The following ADRA1A variants were observed in gnomAD, a reference collection of about 807,000 sequenced individuals.
The protein encoded by ADRA1A is adrenoceptor alpha 1A.
Under a neutral mutation model 29.6 loss-of-function variants are expected in ADRA1A, and 31 were observed. The observed-to-expected ratio is 1.05, with a 90% CI of 0.79 to 1.41. ADRA1A has a LOEUF of 1.41. ADRA1A is among the 40% of genes most tolerant of loss of function. ADRA1A has a pLI of 0.00. For missense variants in ADRA1A, 619 were observed against 601.1 expected, an observed-to-expected ratio of 1.03 and a Z score of -0.31; for synonymous variants, 311 against 254.3, an observed-to-expected ratio of 1.22 and a Z score of -2.12.
chr8:26,767,990 G>C (rs1416419002), downstream of ADRA1A, among the ~76,000 whole-genome samples: 3 of 152,174 alleles, frequency 2.0e-5, no homozygotes, highest in Non-Finnish European at 4.4e-5. Flanking sequence ...GAGAACAGAA[G>C]AGTCTAAAAA....
intron 2 of ADRA1A, among the ~76,000 whole-genome samples, chr8:26,845,832 CA>C (rs1223417011): frequency 6.6e-6 from 1 of 152,112 alleles, no homozygotes; most frequent in East Asian, 1.9e-4. Context: ...GAGGTATACA[CA>C]AAAGGTCACA....
At chr8:26,852,139 A>T (rs1011803673) in intron 2 of ADRA1A, among the ~76,000 whole-genome samples, 3 of 152,304 alleles carry the variant, frequency 2.0e-5, no homozygotes, top group Non-Finnish European at 4.4e-5. Context: ...CAACAACACA[A>T]TGAATCCTTT....
chr8:26,765,824 T>C (rs970070271), downstream of ADRA1A: 20 of 1,345,334 alleles, frequency 1.5e-5, no homozygotes, highest in African/African-American at 2.9e-4. Flanking sequence ...TTGAGAAAGT[T>C]TGTCAAGCTC....
chr8:26,806,110 C>T lies in ADRA1A; in HGVS notation c.884-35444G>A, dbSNP rs1396520498. 1.3e-5 allele frequency among the ~76,000 whole-genome samples: 2 copies of T among 152,252 alleles called. No individual in the cohort carries two copies. Among genetic ancestry groups the T allele is most frequent in the Admixed American group, 1.3e-4 (2 of 15,294 alleles). On this transcript the variant is annotated intron_variant, in intron 2 of 2. Transcript: ENST00000380573. The surrounding 1 kb of genome is among the most constrained non-coding windows in gnomAD (Gnocchi z 4.6). ...CAGCTTTACCTAATGACCGAACTCC[C>T]GAATGTTCCCATTCTGTCCTGCCTC...
Position 26,864,978 on chromosome 8 carries a change from C to T in ADRA1A, c.-9G>A, listed in dbSNP as rs747632414. ...CCCGAGAGAAACACCATGGTCCCAG[C>T]CGGGGCCGGGCGAGGTCCGGCTGTC... is the stretch of plus-strand genomic sequence containing the variant. On this transcript the variant is annotated 5_prime_UTR_variant, in exon 2 of 3. Coordinates refer to ENST00000380573, the MANE Select transcript of ADRA1A (RefSeq NM_000680.4). This position sits in a 1 kb window ranked among gnomAD's most constrained non-coding sequence, Gnocchi z 8.1. 1.9e-6 allele frequency: 3 copies of T among 1,585,504 alleles called. No individual in the cohort carries two copies. The highest frequency in any genetic ancestry group is 2.3e-5 in the South Asian group (2 of 87,354).
chr8:26,750,432 G>A (rs1415195994), intron 2 of ADRA1A, among the ~76,000 whole-genome samples: 6 of 152,080 alleles, frequency 3.9e-5, no homozygotes, highest in African/African-American at 1.4e-4. Flanking sequence ...GAACTCCTGA[G>A]CTCAAGTGAT....
rs137874486 is a variant in ADRA1A at position 26,774,855 on chromosome 8, G to A, written c.884-4189C>T. Among the ~76,000 whole-genome samples, 713 of 152,172 alleles carry A rather than the reference G, an allele frequency of 4.7e-3. 8 individuals carry two copies. Among genetic ancestry groups the A allele is most frequent in the African/African-American group, 0.016 (675 of 41,512 alleles). On this transcript the variant is annotated intron_variant, in intron 2 of 2. Coordinates refer to ENST00000380573, the MANE Select transcript of ADRA1A (RefSeq NM_000680.4). Reference sequence around the variant, plus strand: ...CTCTTTCTCTGCCCAAACCTTCCCCGTCTGGTTCTATTTTCTCTGAACTCT... The same window carrying A: ...CTCTTTCTCTGCCCAAACCTTCCCCATCTGGTTCTATTTTCTCTGAACTCT...
At chr8:26,843,205 C>T (rs1811957311) in intron 2 of ADRA1A, among the ~76,000 whole-genome samples, 1 of 152,190 alleles carries the variant, frequency 6.6e-6, no homozygotes, top group Non-Finnish European at 1.5e-5. Flanking sequence ...TTCCTGACCT[C>T]CAGAAGACTT....
At chr8:26,843,310 C>G (rs781190116) in intron 2 of ADRA1A, among the ~76,000 whole-genome samples, 10 of 152,216 alleles carry the variant, frequency 6.6e-5, no homozygotes, top group Non-Finnish European at 1.3e-4. Flanking sequence ...GTGACAACAT[C>G]TGAGAGCTCA....
chr8:26,865,319 C>T lies in ADRA1A; in HGVS notation c.-350G>A, dbSNP rs1813829139. 2.7e-6 allele frequency: 3 copies of T among 1,111,874 alleles called. No homozygotes were observed. Among genetic ancestry groups the T allele is most frequent in the East Asian group, 1.2e-4 (2 of 16,994 alleles). The allele number at this position is 1,111,874 out of a possible 1,614,324, so 68.9% of individuals were successfully genotyped here. A position where few individuals can be genotyped will look rare whatever the true frequency, so the allele number is the denominator to read the frequency against. The stretch of plus-strand genomic sequence containing the variant: ...AGGAGACTCCTTGCAACATGCAATT[C>T]CAGAATTACGAGAATCTGCTTTTCC... On this transcript the variant is annotated 5_prime_UTR_variant, in exon 2 of 3. Transcript: ENST00000380573. This position sits in a 1 kb window ranked among gnomAD's most constrained non-coding sequence, Gnocchi z 7.6.
rs565540636 is a variant in ADRA1A at position 26,859,094 on chromosome 8, C to T, written c.883+4993G>A. ...TTTCACTTCTCAGCTGTGGATAGCA[C>T]ACTCATCCCTGCCCTGGTTTCAGTT... On this transcript the variant is annotated intron_variant, in intron 2 of 2. Coordinates refer to ENST00000380573, the MANE Select transcript of ADRA1A (RefSeq NM_000680.4). 460 of 1,288,840 alleles carry T rather than the reference C, an allele frequency of 3.6e-4. No individual in the cohort carries two copies. The South Asian group carries it at 5.4e-3, about 15-fold the overall frequency. The allele number at this position is 1,288,840 out of a possible 1,614,324, so 79.8% of individuals were successfully genotyped here. A position where few individuals can be genotyped will look rare whatever the true frequency, so the allele number is the denominator to read the frequency against.
intron 2 of ADRA1A, among the ~76,000 whole-genome samples, chr8:26,811,680 A>G (rs905204758): frequency 4.6e-5 from 7 of 152,238 alleles, no homozygotes; most frequent in African/African-American, 1.4e-4. Flanking sequence ...TAAGATTTGT[A>G]AAGTTCCAAA....
At chr8:26,779,666 G>A (rs1806814727) in intron 2 of ADRA1A, among the ~76,000 whole-genome samples, 1 of 152,138 alleles carries the variant, frequency 6.6e-6, no homozygotes, top group African/African-American at 2.4e-5. Context: ...CTATCCTAGA[G>A]GTTTACTTTG....
rs1159553140 is a variant in ADRA1A, at chr8:26,770,401, C to G, written c.1149G>C (p.Glu383Asp). The change falls in exon 3 of 3, where the codon GAG becomes GAC. Residue 383 changes from glutamate to aspartate, a missense_variant. Physicochemically the swap from Glu to Asp is conservative, Grantham distance 45. Coordinates refer to ENST00000380573, the MANE Select transcript of ADRA1A (RefSeq NM_000680.4). ...DMVRIPVGSR[E>D]TFYRISKTDG... ...CCGTCTTGGAGATCCTGTAGAAGGT[C>G]TCTCTTGATCCCACGGGGATGCGCA... The G allele has an allele frequency of 6.2e-7, 1 of 1,614,248 alleles. No individual in the cohort carries two copies. The highest frequency in any genetic ancestry group is 1.1e-5 in the South Asian group (1 of 91,080).
Position 26,865,249 on chromosome 8 carries a change from C to T in ADRA1A, c.-280G>A. The T allele has an allele frequency of 7.0e-6, 9 of 1,282,774 alleles. No homozygotes were observed. The highest frequency in any genetic ancestry group is 8.9e-6 in the Non-Finnish European group (9 of 1,014,240). 79.5% of individuals were successfully genotyped at this position (1,282,774 alleles called of 1,614,324 possible). On this transcript the variant is annotated 5_prime_UTR_variant, in exon 2 of 3. Transcript: ENST00000380573. This position sits in a 1 kb window ranked among gnomAD's most constrained non-coding sequence, Gnocchi z 7.6. ...CTCCACCTGCCGGGCTGGCCTAGCCCGGGACCCGGACTCCCTCCCTACCCG... is the reference window on the plus strand; with the variant it reads ...CTCCACCTGCCGGGCTGGCCTAGCCTGGGACCCGGACTCCCTCCCTACCCG...
downstream of ADRA1A, among the ~76,000 whole-genome samples, chr8:26,763,412 G>A (rs565361885): frequency 1.3e-4 from 20 of 152,322 alleles, no homozygotes; most frequent in Middle Eastern, 3.4e-3. The surrounding 1 kb of genome is among the most constrained non-coding windows in gnomAD (Gnocchi z 4.5). Flanking sequence ...TTTCCCTGAT[G>A]AGGTGAGGAG....
rs1318881936 is a variant in ADRA1A at position 26,805,584 on chromosome 8, G to A, written c.884-34918C>T. 9.9e-5 allele frequency among the ~76,000 whole-genome samples: 15 copies of A among 152,204 alleles called. No individual in the cohort carries two copies. Among genetic ancestry groups the A allele is most frequent in the Admixed American group, 8.5e-4 (13 of 15,278 alleles). Reference sequence around the variant, plus strand: ...AGACATTAGTGTTATTACAGATTACGAAACAGGCATGAGAGGCTAAGTAAC... The same window carrying A: ...AGACATTAGTGTTATTACAGATTACAAAACAGGCATGAGAGGCTAAGTAAC... On this transcript the variant is annotated intron_variant, in intron 2 of 2. Coordinates refer to ENST00000380573, the MANE Select transcript of ADRA1A (RefSeq NM_000680.4). The surrounding 1 kb of genome is among the most constrained non-coding windows in gnomAD (Gnocchi z 4.8).
chr8:26,819,324 A>T (rs1334643586), intron 2 of ADRA1A, among the ~76,000 whole-genome samples: 2 of 152,176 alleles, frequency 1.3e-5, no homozygotes, highest in Admixed American at 1.3e-4. Flanking sequence ...AAGTTGAAAT[A>T]AAGGGATACT....
chr8:26,780,447 G>T (rs1806887920), intron 2 of ADRA1A, among the ~76,000 whole-genome samples: 1 of 152,114 alleles, frequency 6.6e-6, no homozygotes, highest in African/African-American at 2.4e-5. Context: ...GCACTCTTCT[G>T]CTCTTCACTC....
Sources: allele counts gnomAD v4.1 joint callset (sites outside exome capture counted in the v4.1 genomes callset), GRCh38; gene constraint gnomAD v4.1.1; non-coding constraint Gnocchi (gnomAD v3.1); transcripts MANE v1.5; gene names NCBI Gene and HGNC (gene_info 2026-07-23, HGNC 2026-07-21).